Variants in GLIS3 observed in about 807,000 individuals in gnomAD.
GLIS3 encodes the protein zinc finger protein GLIS3.
A neutral mutation model predicts 78.6 loss-of-function variants in GLIS3; 53 were observed. The observed-to-expected ratio is 0.67, with a 90% CI of 0.54 to 0.85. The LOEUF is 0.85. Ranked by LOEUF, GLIS3 falls within the 40% of genes least tolerant of loss-of-function variation. The pLI, the probability that GLIS3 is intolerant of heterozygous loss-of-function variation, is 0.00. For missense variants in GLIS3, 1,703 were observed against 1,231.1 expected, an observed-to-expected ratio of 1.38 and a Z score of -5.74; for synonymous variants, 684 against 509.9, an observed-to-expected ratio of 1.34 and a Z score of -4.60.
chr9:4,304,395 A>G (rs1261405617), upstream of GLIS3, among the ~76,000 whole-genome samples: 1 of 152,154 alleles, frequency 6.6e-6, no homozygotes, highest in Non-Finnish European at 1.5e-5. Context: ...ATTGCTTCCT[A>G]TTTCTTGAGG....
intron 7 of GLIS3, among the ~76,000 whole-genome samples, chr9:3,882,114 G>C (rs1489764501): frequency 6.6e-6 from 1 of 152,206 alleles, no homozygotes; most frequent in Non-Finnish European, 1.5e-5. Flanking sequence ...TCATTTGGCA[G>C]ACATGAAGCT....
At chr9:4,404,743 A>G in the GLIS3 span, among the ~76,000 whole-genome samples, 1 of 152,182 alleles carries the variant, frequency 6.6e-6, no homozygotes, top group Non-Finnish European at 1.5e-5. Flanking sequence ...ATTTATAGCT[A>G]TAATGCCTAC....
At chr9:4,053,709 A>AAAAAAAAAAAAAG (rs1825913473) in intron 4 of GLIS3, among the ~76,000 whole-genome samples, 1 of 150,400 alleles carries the variant, frequency 6.6e-6, no homozygotes. Context: ...TCTTCATAAA[A>AAAAAAAAAAAAAG]AAAAAAAAAA....
intron 2 of GLIS3, among the ~76,000 whole-genome samples, chr9:4,246,790 G>T (rs953249377): frequency 6.6e-6 from 1 of 152,142 alleles, no homozygotes; most frequent in African/African-American, 2.4e-5. Flanking sequence ...GGTTTTTCAA[G>T]TTCTGTTCTT....
the GLIS3 span, among the ~76,000 whole-genome samples, chr9:4,451,428 T>C: frequency 1.3e-5 from 2 of 152,232 alleles, no homozygotes; most frequent in African/African-American, 2.4e-5. Flanking sequence ...CTGTCAATAT[T>C]AGACAGATCA....
the GLIS3 span, among the ~76,000 whole-genome samples, chr9:4,423,445 C>A: frequency 6.6e-6 from 1 of 152,096 alleles, no homozygotes; most frequent in Admixed American, 6.6e-5. Flanking sequence ...CAACTTCCCA[C>A]ACCCCTCCCC....
At chr9:4,457,796 G>A in the GLIS3 span, among the ~76,000 whole-genome samples, 1 of 150,226 alleles carries the variant, frequency 6.7e-6, no homozygotes, top group Non-Finnish European at 1.5e-5. Context: ...GTTGCAGTGA[G>A]CTGAGATTGT....
rs768378845 is a variant in GLIS3 at position 4,286,474 on chromosome 9, A to T, written c.-49T>A. On this transcript the variant is annotated 5_prime_UTR_variant, in exon 2 of 11. Transcript: ENST00000381971. The stretch of plus-strand genomic sequence containing the variant: ...GGTCAAATATCCAATGTCACTAATG[A>T]CTCCTTTCAGGCAAAGTCCAATAAG... 1 of 1,607,586 alleles carries T rather than the reference A, an allele frequency of 6.2e-7. No individual in the cohort carries two copies. Among genetic ancestry groups the T allele is most frequent in the East Asian group, 2.2e-5 (1 of 44,858 alleles).
intron 2 of GLIS3, among the ~76,000 whole-genome samples, chr9:4,278,753 A>G (rs1448334056): frequency 6.6e-6 from 1 of 152,268 alleles, no homozygotes; most frequent in Non-Finnish European, 1.5e-5. Flanking sequence ...GCACAAGGTT[A>G]CTTATACATT....
intron 7 of GLIS3, among the ~76,000 whole-genome samples, chr9:3,883,195 T>C (rs1190089471): frequency 6.6e-6 from 1 of 152,238 alleles, no homozygotes; most frequent in Non-Finnish European, 1.5e-5. Flanking sequence ...CTCTTTTACT[T>C]ATCCTGATTT....
At chr9:4,470,533 G>T in the GLIS3 span, among the ~76,000 whole-genome samples, 1 of 152,122 alleles carries the variant, frequency 6.6e-6, no homozygotes, top group Admixed American at 6.5e-5. Flanking sequence ...ATGCAGAAAA[G>T]GCCTTTGACA....
chr9:4,407,630 G>C, the GLIS3 span, among the ~76,000 whole-genome samples: 4 of 152,194 alleles, frequency 2.6e-5, no homozygotes, highest in South Asian at 2.1e-4. Flanking sequence ...CTGGGAGACA[G>C]AGCAAGACTC....
chr9:4,383,950 C>T, the GLIS3 span, among the ~76,000 whole-genome samples: 1 of 152,230 alleles, frequency 6.6e-6, no homozygotes, highest in Non-Finnish European at 1.5e-5. Context: ...CTCAATTCCT[C>T]TCCTTCAAGA....
chr9:4,451,999 G>A, the GLIS3 span, among the ~76,000 whole-genome samples: 3 of 151,628 alleles, frequency 2.0e-5, no homozygotes, highest in South Asian at 2.1e-4. Flanking sequence ...TCATCCCTGC[G>A]ATGCAAGTCT....
At chr9:4,074,151 G>A (rs1475853018) in intron 4 of GLIS3, among the ~76,000 whole-genome samples, 3 of 152,088 alleles carry the variant, frequency 2.0e-5, no homozygotes, top group Non-Finnish European at 4.4e-5. Context: ...CTAATTTATT[G>A]TTGAGCTAGC....
At chr9:4,355,471 T>G in the GLIS3 span, among the ~76,000 whole-genome samples, 1 of 152,110 alleles carries the variant, frequency 6.6e-6, no homozygotes, top group South Asian at 2.1e-4. Flanking sequence ...TGGCACGAAA[T>G]AGACAAGTTT....
At chr9:4,229,691 A>C (rs563730663) in intron 2 of GLIS3, among the ~76,000 whole-genome samples, 1 of 152,240 alleles carries the variant, frequency 6.6e-6, no homozygotes, top group Admixed American at 6.5e-5. Context: ...TTACAATATT[A>C]CTTCTTATTC....
chr9:4,265,385 C>T (rs1041252452), intron 2 of GLIS3, among the ~76,000 whole-genome samples: 3 of 144,250 alleles, frequency 2.1e-5, no homozygotes, highest in Non-Finnish European at 4.5e-5. Context: ...GAGGTAGGTA[C>T]AGATATTATC....
rs148164291 is a variant in GLIS3 at position 3,897,738 on chromosome 9, A to C, written c.2128+953T>G. 2.6e-5 allele frequency among the ~76,000 whole-genome samples: 4 copies of C among 152,328 alleles called. No individual in the cohort carries two copies. The East Asian group carries it at 7.7e-4, about 29-fold the overall frequency. On this transcript the variant is annotated intron_variant, in intron 7 of 10. Transcript: ENST00000381971. ...ATCTGAATCAACTGAGAACTGTCAA[A>C]TTTAAAACGTTGTACAAGGATGTCT...
Sources: gnomAD v4.1 joint callset for allele counts (sites outside exome capture counted in the v4.1 genomes callset) on GRCh38, gnomAD v4.1.1 for gene constraint, MANE v1.5 for transcripts, NCBI Gene and HGNC (gene_info 2026-07-23, HGNC 2026-07-21) for gene names.